CDK19: variants seen among roughly 807,000 people sequenced by gnomAD.
CDK19 encodes the protein cyclin dependent kinase 19, also known as cyclin-dependent kinase 19.
In CDK19, 20 loss-of-function variants were observed where a neutral mutation model predicts 68.3. That is an observed-to-expected ratio of 0.29 (90% CI 0.21 to 0.43). CDK19 has a LOEUF of 0.43. Ranked by LOEUF, CDK19 falls within the 20% of genes least tolerant of loss-of-function variation. CDK19 has a pLI of 1.00. For missense variants in CDK19, 339 were observed against 623.5 expected, an observed-to-expected ratio of 0.54 and a Z score of 4.86; for synonymous variants, 221 against 222.8, an observed-to-expected ratio of 0.99 and a Z score of 0.07.
At position 110,697,143 on chromosome 6, in the gene CDK19, T is replaced by C. The variant is rs542375700; in HGVS notation, c.205-26602A>G. On this transcript the variant is annotated intron_variant, in intron 2 of 12. Coordinates refer to ENST00000368911, the MANE Select transcript of CDK19 (RefSeq NM_015076.5). ...AGCTACTCAGGAGGCTGAGGCAGAA[T>C]TGCTTGAACCCGGGAGGCGGAGGTT... is the stretch of plus-strand genomic sequence containing the variant. Among the ~76,000 whole-genome samples the C allele has an allele frequency of 1.2e-4, 18 of 151,650 alleles. No homozygotes were observed. The South Asian group carries it at 3.7e-3, about 32-fold the overall frequency.
chr6:110,622,964 C>T lies in CDK19; in HGVS notation c.934-52G>A, dbSNP rs374666605. On this transcript the variant is annotated intron_variant, in intron 9 of 12. Transcript: ENST00000368911. ...GCACATGAAAAGGTTATTTACAAGT[C>T]AACACCTTGTCTTTTGTATTACTGT... The T allele has an allele frequency of 8.7e-5, 95 of 1,085,860 alleles. 1 individual carries two copies. The Middle Eastern group carries it at 3.2e-3, about 36-fold the overall frequency. The allele number at this position is 1,085,860 out of a possible 1,614,324, so 67.3% of individuals were successfully genotyped here.
Position 110,621,389 on chromosome 6 carries a change from C to T in CDK19, c.1111-19G>A. On this transcript the variant is annotated intron_variant, in intron 11 of 12. Transcript: ENST00000368911. This position sits in a 1 kb window ranked among gnomAD's most constrained non-coding sequence, Gnocchi z 5.4. ...GCTGATTCTTTTAAGGGGAAAAAAG[C>T]AAGCTTGGTATGAAACCAAATTAAC... 2.0e-6 allele frequency: 3 copies of T among 1,522,298 alleles called. No homozygotes were observed. Among genetic ancestry groups the T allele is most frequent in the South Asian group, 1.3e-5 (1 of 75,924 alleles). 94.3% of individuals were successfully genotyped at this position (1,522,298 alleles called of 1,614,324 possible). A position where few individuals can be genotyped will look rare whatever the true frequency, so the allele number is the denominator to read the frequency against.
chr6:110,759,961 G>A (rs1779118876), intron 1 of CDK19, among the ~76,000 whole-genome samples: 1 of 152,122 alleles, frequency 6.6e-6, no homozygotes, highest in Non-Finnish European at 1.5e-5. Context: ...GGAACTTATG[G>A]AGGGCAACAG....
At chr6:110,655,321 G>C (rs986349550) in intron 4 of CDK19, among the ~76,000 whole-genome samples, 1 of 151,206 alleles carries the variant, frequency 6.6e-6, no homozygotes, top group Non-Finnish European at 1.5e-5. Context: ...AGCCGAGATC[G>C]CGCCACTGCA....
chr6:110,658,859 C>T (rs1018442205), intron 4 of CDK19, among the ~76,000 whole-genome samples: 5 of 152,060 alleles, frequency 3.3e-5, no homozygotes, highest in African/African-American at 7.2e-5. Context: ...CTGGCAGGAT[C>T]AAGAAAGAAT....
chr6:110,761,051 A>G lies in CDK19; in HGVS notation c.129-14850T>C, dbSNP rs1779194544. Among the ~76,000 whole-genome samples, 3 of 152,314 alleles carry G rather than the reference A, an allele frequency of 2.0e-5. No homozygotes were observed. In the South Asian group the frequency reaches 6.2e-4, roughly 32 times the overall value. On this transcript the variant is annotated intron_variant, in intron 1 of 12. Coordinates refer to ENST00000368911, the MANE Select transcript of CDK19 (RefSeq NM_015076.5). ...GCAAGTTAAAGCTGGAGAAGCAAGAAGGCCAGATGAAGCAGAACAAGTAGG... is the reference window on the plus strand; with the variant it reads ...GCAAGTTAAAGCTGGAGAAGCAAGAGGGCCAGATGAAGCAGAACAAGTAGG...
intron 2 of CDK19, among the ~76,000 whole-genome samples, chr6:110,674,889 G>A (rs1380702811): frequency 1.3e-5 from 2 of 148,398 alleles, no homozygotes; most frequent in East Asian, 3.9e-4. Flanking sequence ...GCGACACAGC[G>A]AGACTCTGTC....
At chr6:110,782,388 T>C (rs1780883414) in intron 1 of CDK19, among the ~76,000 whole-genome samples, 1 of 152,144 alleles carries the variant, frequency 6.6e-6, no homozygotes, top group South Asian at 2.1e-4. Context: ...TCCCTTGAAC[T>C]TTTCCCCAGT....
At chr6:110,659,874 T>C (rs1179875562) in intron 4 of CDK19, among the ~76,000 whole-genome samples, 1 of 152,232 alleles carries the variant, frequency 6.6e-6, no homozygotes, top group Non-Finnish European at 1.5e-5. Flanking sequence ...CGCTAGATCT[T>C]ACCATCCATG....
rs1343168057 is a variant in CDK19 at position 110,640,705 on chromosome 6, C to T, written c.457-1999G>A. Among the ~76,000 whole-genome samples, 38 of 152,106 alleles carry T rather than the reference C, an allele frequency of 2.5e-4. 1 individual carries two copies. The highest frequency in any genetic ancestry group is 2.5e-3 in the Admixed American group (38 of 15,268). ...GTGGCTCAAACCTGTAATCCCAGCA[C>T]TTTGGGAAGTCGAAGCAGGAGGATC... On this transcript the variant is annotated intron_variant, in intron 4 of 12. Transcript: ENST00000368911.
At chr6:110,712,085 G>A (rs1276751487) in intron 2 of CDK19, among the ~76,000 whole-genome samples, 1 of 152,220 alleles carries the variant, frequency 6.6e-6, no homozygotes, top group African/African-American at 2.4e-5. Flanking sequence ...CTAGGACAGT[G>A]TCTCCCCAAA....
In CDK19 at chr6:110,715,579, C is replaced by T. The variant is rs532831833; in HGVS notation, c.204+30547G>A. Among the ~76,000 whole-genome samples the T allele has an allele frequency of 5.9e-5, 9 of 152,226 alleles. 1 individual carries two copies. In the South Asian group the frequency reaches 1.7e-3, roughly 28 times the overall value. On this transcript the variant is annotated intron_variant, in intron 2 of 12. Coordinates refer to ENST00000368911, the MANE Select transcript of CDK19 (RefSeq NM_015076.5). ...CTTGGCCCACTGCAACCTCTGCCTC[C>T]CAGCTTCAAGCGATTCTCCTGCCTC...
chr6:110,632,112 T>C lies in CDK19; in HGVS notation c.564A>G (p.Ala188=), dbSNP rs779331218. Residue 188 remains alanine, a synonymous_variant, in exon 6 of 13, where the codon GCA becomes GCG. Transcript: ENST00000368911. ...ATGTCACAACTACTGGATCCAAATC[T>C]GCTAGTGGCTTTAGAGGAGAATTGA... ...RLFNSPLKPL[A]DLDPVVVTFW... The C allele has an allele frequency of 9.3e-6, 15 of 1,614,040 alleles. No individual in the cohort carries two copies. Among genetic ancestry groups the C allele is most frequent in the Middle Eastern group, 3.3e-4 (2 of 6,062 alleles).
intron 1 of CDK19, among the ~76,000 whole-genome samples, chr6:110,752,517 C>T (rs938762424): frequency 3.3e-5 from 5 of 152,194 alleles, no homozygotes; most frequent in Non-Finnish European, 7.3e-5. Flanking sequence ...TACTAGCACA[C>T]TCTTTATGCT....
At chr6:110,776,366 T>C (rs1388922769) in intron 1 of CDK19, among the ~76,000 whole-genome samples, 3 of 151,250 alleles carry the variant, frequency 2.0e-5, no homozygotes, top group African/African-American at 4.9e-5. Context: ...GAGGTGGAGG[T>C]TGCAGTGAGC....
intron 1 of CDK19, among the ~76,000 whole-genome samples, chr6:110,812,400 G>C (rs1783175162): frequency 6.6e-6 from 1 of 152,188 alleles, no homozygotes; most frequent in African/African-American, 2.4e-5. Context: ...GGGATTACAG[G>C]CGTGAGCCAC....
intron 2 of CDK19, among the ~76,000 whole-genome samples, chr6:110,716,458 C>T (rs2114717138): frequency 6.6e-6 from 1 of 151,962 alleles, no homozygotes; most frequent in East Asian, 1.9e-4. Flanking sequence ...GACTTAGGAA[C>T]AGTACACACT....
intron 5 of CDK19, among the ~76,000 whole-genome samples, chr6:110,636,298 T>G (rs1477925746): frequency 6.6e-6 from 1 of 152,240 alleles, no homozygotes; most frequent in Non-Finnish European, 1.5e-5. Context: ...ATCAAGATCT[T>G]AGAATCATTT....
At chr6:110,624,733 C>T (rs1023409702) in intron 8 of CDK19, among the ~76,000 whole-genome samples, 36 of 152,218 alleles carry the variant, frequency 2.4e-4, no homozygotes, top group African/African-American at 8.4e-4. Flanking sequence ...CCTACTGGTA[C>T]GGGTATTACT....
Sources: allele counts gnomAD v4.1 joint callset (sites outside exome capture counted in the v4.1 genomes callset), GRCh38; gene constraint gnomAD v4.1.1; non-coding constraint Gnocchi (gnomAD v3.1); transcripts MANE v1.5; gene names NCBI Gene and HGNC (gene_info 2026-07-23, HGNC 2026-07-21).